Variants in ARRDC3 observed in about 807,000 individuals in gnomAD.
The protein encoded by ARRDC3 is arrestin domain containing 3, also known as arrestin domain-containing protein 3.
A neutral mutation model predicts 47.2 loss-of-function variants in ARRDC3; 10 were observed. The ratio of observed to expected loss-of-function variants is 0.21; its 90% CI spans 0.13 to 0.36. ARRDC3 has a LOEUF of 0.36. Ranked by LOEUF, ARRDC3 falls within the 10% of genes least tolerant of loss-of-function variation. The pLI is 1.00. For missense variants in ARRDC3, 381 were observed against 503.6 expected (o/e 0.76, Z 2.33); for synonymous variants, 156 against 178.3 (o/e 0.87, Z 1.00).
intron 3 of ARRDC3, 129 bp downstream of exon 3, chr5:91,376,492 G>T: frequency 1.2e-6 from 1 of 840,954 alleles, no homozygotes; most frequent in Non-Finnish European, 1.8e-6. Context: ...TTAAGAAAAT[G>T]TATATTTATG....
At chr5:91,372,722 TA>T (rs371950395) in intron 7 of ARRDC3, among the ~76,000 whole-genome samples, 14 of 150,740 alleles carry the variant, frequency 9.3e-5, no homozygotes, top group South Asian at 4.2e-4. Flanking sequence ...ATGGTGTTAA[TA>T]AAAAAAAAGA....
rs773959631 is a variant in ARRDC3, at chr5:91,378,686, ATACT to A, written c.362+4_362+7del. The stretch of plus-strand genomic sequence containing the variant: ...TCTATAAAAATGCCTATTATTTATA[ATACT>A]TACGTCTGTGGAAGCTCGAAGCTGA... On this transcript the variant is annotated splice_donor_5th_base_variant and intron_variant, in intron 2 of 7. Transcript: ENST00000265138. 7 of 1,506,878 alleles carry A rather than the reference ATACT, an allele frequency of 4.6e-6. No individual in the cohort carries two copies. The highest frequency in any genetic ancestry group is 5.5e-6 in the Non-Finnish European group (6 of 1,099,242). 93.3% of individuals were successfully genotyped at this position (1,506,878 alleles called of 1,614,324 possible).
intron 1 of ARRDC3, chr5:91,380,195 T>C (rs1023786427): frequency 6.1e-6 from 1 of 162,716 alleles, no homozygotes; most frequent in Non-Finnish European, 1.3e-5. Context: ...CGCGAGCAGA[T>C]CCCAGCCGGC....
chr5:91,371,244 T>C lies in ARRDC3; in HGVS notation c.*156A>G. 1.8e-5 allele frequency: 11 copies of C among 628,396 alleles called. No individual in the cohort carries two copies. The highest frequency in any genetic ancestry group is 2.5e-5 in the Non-Finnish European group (9 of 359,280). 38.9% of individuals were successfully genotyped at this position (628,396 alleles called of 1,614,324 possible). ...GTCTCAGAATGTTGCTGTAGGCTTC[T>C]AAAGCATGATCACTGGTTGTTTCAT... On this transcript the variant is annotated 3_prime_UTR_variant, in exon 8 of 8. Coordinates refer to ENST00000265138, the MANE Select transcript of ARRDC3 (RefSeq NM_020801.4).
At chr5:91,376,198 A>T (rs1331098028) in intron 3 of ARRDC3, among the ~76,000 whole-genome samples, 2 of 152,210 alleles carry the variant, frequency 1.3e-5, no homozygotes, top group Non-Finnish European at 2.9e-5. Flanking sequence ...ATGATTCCCC[A>T]TTATTTGACA....
At position 91,375,253 on chromosome 5, in the gene ARRDC3, A is replaced by C. The variant is rs577139549; in HGVS notation, c.614-75T>G. The C allele has an allele frequency of 3.0e-5, 44 of 1,466,374 alleles. No individual in the cohort carries two copies. In the South Asian group the frequency reaches 4.8e-4, roughly 16 times the overall value. 90.8% of individuals were successfully genotyped at this position (1,466,374 alleles called of 1,614,324 possible). ...AAGAAGTCAAGATTCTTAAAGCTAA[A>C]GTAAGAAAGTGCAACTAACATACAT... is the stretch of plus-strand genomic sequence containing the variant. On this transcript the variant is annotated intron_variant, in intron 4 of 7. Transcript: ENST00000265138.
At position 91,383,190 on chromosome 5, in the gene ARRDC3, G is replaced by T; in HGVS notation, c.-98C>A. 2 of 1,147,122 alleles carry T rather than the reference G, an allele frequency of 1.7e-6. No homozygotes were observed. Among genetic ancestry groups the T allele is most frequent in the Non-Finnish European group, 2.4e-6 (2 of 826,744 alleles). 71.1% of individuals were successfully genotyped at this position (1,147,122 alleles called of 1,614,324 possible). On this transcript the variant is annotated 5_prime_UTR_variant, in exon 1 of 8. Coordinates refer to ENST00000265138, the MANE Select transcript of ARRDC3 (RefSeq NM_020801.4). Reference sequence around the variant, plus strand: ...CTTAACACTGATCGATATTTTTGCCGTGCAAAATGCTTGCAGGCCGGATCA... The same window carrying T: ...CTTAACACTGATCGATATTTTTGCCTTGCAAAATGCTTGCAGGCCGGATCA...
At position 91,369,386 on chromosome 5, in the gene ARRDC3, AT is replaced by A. The variant is rs993521440; in HGVS notation, c.*2013del. On this transcript the variant is annotated 3_prime_UTR_variant, in exon 8 of 8. Transcript: ENST00000265138. ...CACAAAATGATTCAACAATAAAAAA[AT>A]ATTTCACCCCCATTTCCTTATTATC... is the stretch of plus-strand genomic sequence containing the variant. 1.2e-4 allele frequency: 18 copies of A among 152,262 alleles called. No homozygotes were observed. The highest frequency in any genetic ancestry group is 5.9e-4 in the Admixed American group (9 of 15,190). The allele number at this position is 152,262 out of a possible 1,614,324, so 9.4% of individuals were successfully genotyped here. A position where few individuals can be genotyped will look rare whatever the true frequency, so the allele number is the denominator to read the frequency against.
At chr5:91,377,227 A>G (rs757046761) in intron 2 of ARRDC3, among the ~76,000 whole-genome samples, 2 of 152,158 alleles carry the variant, frequency 1.3e-5, no homozygotes, top group Non-Finnish European at 2.9e-5. Context: ...GCAACTAACT[A>G]AGGTCTAGAA....
intron 2 of ARRDC3, among the ~76,000 whole-genome samples, chr5:91,378,262 C>T (rs746573862): frequency 3.3e-5 from 5 of 151,938 alleles, no homozygotes; most frequent in Admixed American, 6.5e-5. Context: ...TTTTTATTTT[C>T]GAAACTTACT....
At chr5:91,381,481 GATTA>G (rs768696164) in intron 1 of ARRDC3, among the ~76,000 whole-genome samples, 11 of 152,300 alleles carry the variant, frequency 7.2e-5, no homozygotes, top group Admixed American at 3.9e-4. Context: ...CACTTGGAGA[GATTA>G]ATTAGTTATT....
chr5:91,374,090 C>T (rs1799243502), intron 6 of ARRDC3, 24 bp downstream of exon 6: 3 of 1,607,818 alleles, frequency 1.9e-6, no homozygotes, highest in Non-Finnish European at 2.5e-6. Context: ...AGAGATTAAG[C>T]TTAGACGTGT....
chr5:91,374,318 T>A, intron 5 of ARRDC3, 42 bp from the exon 6 acceptor site: 1 of 1,548,344 alleles, frequency 6.5e-7, no homozygotes, highest in Non-Finnish European at 8.8e-7. Context: ...ATGCCAAGTA[T>A]GATTTCCTTT....
In ARRDC3 at chr5:91,378,742, A is replaced by G; in HGVS notation, c.314T>C (p.Ile105Thr). The G allele has an allele frequency of 6.2e-7, 1 of 1,600,836 alleles. No individual in the cohort carries two copies. Among genetic ancestry groups the G allele is most frequent in the Non-Finnish European group, 8.5e-7 (1 of 1,175,158 alleles). ...TGCATATTCATGCCTTCCTGAATGA[A>G]TAGTGTGGAAGCCTTCTTCGGAATT... ...DDNSEEGFHT[I>T]HSGRHEYAFS... Residue 105 changes from isoleucine (I) to threonine (T), a missense_variant, in exon 2 of 8, where the codon ATT becomes ACT. By Grantham distance (89) the Ile-to-Thr change is moderately conservative. Coordinates refer to ENST00000265138, the MANE Select transcript of ARRDC3 (RefSeq NM_020801.4).
At chr5:91,380,099 A>T (rs1799410056) in intron 1 of ARRDC3, 1 of 152,214 alleles carries the variant, frequency 6.6e-6, no homozygotes, top group Admixed American at 6.6e-5. Flanking sequence ...CATTGAAGCG[A>T]GCGGCGGCGG....
rs914180988 is a variant in ARRDC3, at chr5:91,383,162, T to C, written c.-70A>G. 3 of 1,379,520 alleles carry C rather than the reference T, an allele frequency of 2.2e-6. No individual in the cohort carries two copies. Among genetic ancestry groups the C allele is most frequent in the Non-Finnish European group, 2.9e-6 (3 of 1,017,356 alleles). 85.5% of individuals were successfully genotyped at this position (1,379,520 alleles called of 1,614,324 possible). On this transcript the variant is annotated 5_prime_UTR_variant, in exon 1 of 8. Transcript: ENST00000265138. The stretch of plus-strand genomic sequence containing the variant: ...CAAGATCGCATATAAAATGTGATCT[T>C]CACTTAACACTGATCGATATTTTTG...
In ARRDC3 at chr5:91,378,670, A is replaced by T. The variant is rs756689128; in HGVS notation, c.362+24T>A. On this transcript the variant is annotated intron_variant, in intron 2 of 7. Coordinates refer to ENST00000265138, the MANE Select transcript of ARRDC3 (RefSeq NM_020801.4). ...GCTCTGATCATAAGTATCTATAAAA[A>T]TGCCTATTATTTATAATACTTACGT... 2.4e-5 allele frequency: 32 copies of T among 1,314,134 alleles called. No individual in the cohort carries two copies. The Admixed American group carries it at 5.5e-4, about 22-fold the overall frequency. 81.4% of individuals were successfully genotyped at this position (1,314,134 alleles called of 1,614,324 possible).
At chr5:91,375,655 T>C (rs1273638385) in intron 3 of ARRDC3, 42 bp from the exon 4 acceptor site, 1 of 1,351,674 alleles carries the variant, frequency 7.4e-7, no homozygotes. Flanking sequence ...GTGTATGGAT[T>C]GGTACAATCA....
chr5:91,381,793 A>G (rs1799463322), intron 1 of ARRDC3, among the ~76,000 whole-genome samples: 1 of 152,324 alleles, frequency 6.6e-6, no homozygotes, highest in South Asian at 2.1e-4. Context: ...TGGGCTAGGA[A>G]TTAAGTCATC....
Sources: allele counts gnomAD v4.1 joint callset (sites outside exome capture counted in the v4.1 genomes callset), GRCh38; gene constraint gnomAD v4.1.1; transcripts MANE v1.5; gene names NCBI Gene and HGNC (gene_info 2026-07-23, HGNC 2026-07-21).